The following COL5A3 variants were observed in gnomAD, a reference collection of about 807,000 sequenced individuals.
COL5A3 encodes the protein collagen alpha-3(V) chain.
In COL5A3, 172 loss-of-function variants were observed where a neutral mutation model predicts 250.0. The observed-to-expected ratio is 0.69, with a 90% CI of 0.61 to 0.78. The LOEUF is 0.78. Among genes scored for constraint, COL5A3 ranks in the 30% least tolerant of loss-of-function variants. The pLI, the probability that COL5A3 is intolerant of heterozygous loss-of-function variation, is 0.00. For missense variants in COL5A3, 2,340 were observed against 2,334.4 expected, an observed-to-expected ratio of 1.00 and a Z score of -0.05; for synonymous variants, 937 against 900.4, an observed-to-expected ratio of 1.04 and a Z score of -0.73.
At chr19:9,974,848 A>G (rs935222299) in intron 45 of COL5A3, among the ~76,000 whole-genome samples, 1 of 152,028 alleles carries the variant, frequency 6.6e-6, no homozygotes, top group African/African-American at 2.4e-5. Flanking sequence ...TGGTTAAGAG[A>G]TTTGAAGATA....
intron 51 of COL5A3, among the ~76,000 whole-genome samples, chr19:9,972,333 TCATC>T (rs2086862438): frequency 6.6e-6 from 1 of 152,004 alleles, no homozygotes; most frequent in South Asian, 2.1e-4. Context: ...ACTCACTCGT[TCATC>T]CATTCACTCA....
At chr19:10,005,217 C>T (rs971422481) in intron 4 of COL5A3, among the ~76,000 whole-genome samples, 3 of 152,134 alleles carry the variant, frequency 2.0e-5, no homozygotes, top group East Asian at 3.9e-4. Flanking sequence ...ATTAGCTGGG[C>T]GTGGTGGCAC....
chr19:9,996,392 T>C (rs970006340), intron 13 of COL5A3, 41 bp downstream of exon 13: 2 of 1,606,250 alleles, frequency 1.2e-6, no homozygotes, highest in Admixed American at 1.7e-5. Flanking sequence ...GCTCTATCAC[T>C]CTCTGGGGTT....
chr19:10,003,098 A>G (rs1486423162), intron 6 of COL5A3, among the ~76,000 whole-genome samples: 2 of 152,266 alleles, frequency 1.3e-5, no homozygotes, highest in African/African-American at 4.8e-5. Context: ...AGGGAAGCCA[A>G]ATAATGCCCC....
chr19:9,970,173 GTCTGT>G (rs2086813527), intron 54 of COL5A3, among the ~76,000 whole-genome samples: 1 of 64,118 alleles, frequency 1.6e-5, no homozygotes, highest in African/African-American at 8.1e-5. Flanking sequence ...GGTGAGTGGG[GTCTGT>G]GGGTGAGTGG....
At chr19:10,003,944 T>C (rs2087400726) in intron 5 of COL5A3, 97 bp downstream of exon 5, 2 of 1,112,592 alleles carry the variant, frequency 1.8e-6, no homozygotes, top group East Asian at 2.3e-5. Context: ...CTTAACCCCA[T>C]GTCTGGGGGA....
chr19:9,999,276 G>C (rs2087319996), intron 8 of COL5A3, among the ~76,000 whole-genome samples: 1 of 149,226 alleles, frequency 6.7e-6, no homozygotes, highest in Admixed American at 6.7e-5. Flanking sequence ...CTGCAACCTC[G>C]ATCTCCTCAG....
chr19:9,986,454 T>C (rs1316145912), intron 29 of COL5A3, 32 bp from the exon 30 acceptor site: 2 of 1,610,318 alleles, frequency 1.2e-6, no homozygotes, highest in Non-Finnish European at 1.7e-6. Flanking sequence ...TTAATATCCA[T>C]CTTTTGTCCT....
In COL5A3 at chr19:9,968,946, G is replaced by A; in HGVS notation, c.4153-218C>T. The A allele has an allele frequency of 1.6e-6, 1 of 622,782 alleles. No individual in the cohort carries two copies. Among genetic ancestry groups the A allele is most frequent in the East Asian group, 2.8e-5 (1 of 36,316 alleles). 38.6% of individuals were successfully genotyped at this position (622,782 alleles called of 1,614,324 possible). On this transcript the variant is annotated intron_variant, in intron 57 of 66. Coordinates refer to ENST00000264828, the MANE Select transcript of COL5A3 (RefSeq NM_015719.4). The surrounding 1 kb of genome is among the most constrained non-coding windows in gnomAD (Gnocchi z 4.1). ...GACAACGTGAGTGGTCAGTGGCCAA[G>A]GTCAGCGTGGGTGATCAGTGTAGAC...
intron 11 of COL5A3, 168 bp from the exon 12 acceptor site, chr19:9,996,857 G>A: frequency 1.7e-6 from 1 of 592,836 alleles, no homozygotes; most frequent in South Asian, 2.2e-5. Context: ...GAAGTAGAGA[G>A]AAGTGGAAAG....
intron 32 of COL5A3, among the ~76,000 whole-genome samples, chr19:9,981,623 C>T (rs920359462): frequency 6.6e-5 from 10 of 152,216 alleles, no homozygotes; most frequent in Non-Finnish European, 1.5e-4. Context: ...TTACAATACA[C>T]ACATAGCAAC....
intron 41 of COL5A3, 105 bp from the exon 42 acceptor site, chr19:9,977,806 T>A (rs901409158): frequency 2.6e-5 from 23 of 876,896 alleles, no homozygotes; most frequent in Non-Finnish European, 3.7e-5. Context: ...CAGGATTGTA[T>A]CTAACCTGTT....
intron 1 of COL5A3, among the ~76,000 whole-genome samples, chr19:10,010,079 C>T (rs138513915): frequency 9.4e-4 from 143 of 152,272 alleles, no homozygotes; most frequent in African/African-American, 3.2e-3. Flanking sequence ...TTCCCACGCG[C>T]TCGCCAGAAA....
chr19:9,978,609 C>A lies in COL5A3; in HGVS notation c.2983G>T (p.Gly995Cys). 6.4e-7 allele frequency: 1 copy of A among 1,574,774 alleles called. No individual in the cohort carries two copies. The highest frequency in any genetic ancestry group is 8.6e-7 in the Non-Finnish European group (1 of 1,162,688). ...ACGGGCCCTGGGGGGCCCTTATCAC[C>A]CTTTAAGCCAGTAGGTCCCTGAAGG... ...PGDPGPTGLK[G>C]DKGPPGPVGA... Residue 995 changes from glycine (G) to cysteine (C), a missense_variant, in exon 41 of 67, where the codon GGT becomes TGT. Coordinates refer to ENST00000264828, the MANE Select transcript of COL5A3 (RefSeq NM_015719.4).
At position 10,009,568 on chromosome 19, in the gene COL5A3, A is replaced by G. The variant is rs12973094; in HGVS notation, c.88+730T>C. ...CGCCCCTCACCGCGGCCCTCCCCGA[A>G]GCCCTGTCCATGGTGCTGATCGCGG... On this transcript the variant is annotated intron_variant, in intron 1 of 66. Transcript: ENST00000264828. The surrounding 1 kb of genome is among the most constrained non-coding windows in gnomAD (Gnocchi z 4.4). Among the ~76,000 whole-genome samples, 26,841 of 151,978 alleles carry G rather than the reference A, an allele frequency of 0.18. 2,547 individuals carry two copies. Among genetic ancestry groups the G allele is most frequent in the South Asian group, 0.29 (1,407 of 4,812 alleles).
chr19:9,960,082 G>A lies in COL5A3; in HGVS notation c.*329C>T, dbSNP rs969342702. 26 of 311,576 alleles carry A rather than the reference G, an allele frequency of 8.3e-5. No homozygotes were observed. Among genetic ancestry groups the A allele is most frequent in the African/African-American group, 5.4e-4 (25 of 46,382 alleles). The allele number at this position is 311,576 out of a possible 1,614,324, so 19.3% of individuals were successfully genotyped here. On this transcript the variant is annotated 3_prime_UTR_variant, in exon 67 of 67. Coordinates refer to ENST00000264828, the MANE Select transcript of COL5A3 (RefSeq NM_015719.4). The stretch of plus-strand genomic sequence containing the variant: ...AGGAGGCAGGCATTGGGGGTGGGGG[G>A]GCTTTTGTTCATCAGCTCTGAGTTA...
chr19:9,999,064 C>A (rs1445744025), intron 8 of COL5A3, among the ~76,000 whole-genome samples: 1 of 146,612 alleles, frequency 6.8e-6, no homozygotes, highest in Non-Finnish European at 1.5e-5. Flanking sequence ...CTTTTTCTTT[C>A]TTCTTTCTTT....
At chr19:9,999,934 A>G (rs923114197) in intron 8 of COL5A3, among the ~76,000 whole-genome samples, 2 of 151,406 alleles carry the variant, frequency 1.3e-5, no homozygotes, top group Non-Finnish European at 2.9e-5. Flanking sequence ...TTTTTTGTAT[A>G]TTTTGTAAAG....
chr19:9,995,653 TAAG>T, intron 15 of COL5A3, 36 bp from the exon 16 acceptor site: 1 of 1,502,934 alleles, frequency 6.7e-7, no homozygotes, highest in African/African-American at 1.4e-5. Flanking sequence ...GAAAGGAAAA[TAAG>T]AAGAAAGAGG....
Sources: allele counts gnomAD v4.1 joint callset (sites outside exome capture counted in the v4.1 genomes callset), GRCh38; gene constraint gnomAD v4.1.1; non-coding constraint Gnocchi (gnomAD v3.1); transcripts MANE v1.5; gene names NCBI Gene and HGNC (gene_info 2026-07-23, HGNC 2026-07-21).